The following MTA3 variants were observed in gnomAD, a reference collection of about 807,000 sequenced individuals.
MTA3 encodes the protein metastasis-associated protein MTA3.
A neutral mutation model predicts 83.5 loss-of-function variants in MTA3; 34 were observed. That is an observed-to-expected ratio of 0.41 (90% confidence interval 0.31 to 0.54). MTA3 has a LOEUF of 0.54. MTA3 is among the 20% of genes least tolerant of loss of function. The pLI is 0.33. For synonymous variants in MTA3, 303 were observed against 252.7 expected, an observed-to-expected ratio of 1.20 and a Z score of -1.89; for missense variants, 761 against 726.4, an observed-to-expected ratio of 1.05 and a Z score of -0.55.
chr2:42,651,932 A>G (rs1342302138), intron 6 of MTA3, among the ~76,000 whole-genome samples: 1 of 151,976 alleles, frequency 6.6e-6, no homozygotes, highest in African/African-American at 2.4e-5. Flanking sequence ...CGTCTCAACT[A>G]AAAATACAAA....
chr2:42,517,449 T>C (rs1394097057), intron 2 of MTA3, among the ~76,000 whole-genome samples: 1 of 151,022 alleles, frequency 6.6e-6, no homozygotes, highest in Non-Finnish European at 1.5e-5. Context: ...GGCACATGCC[T>C]GTAATCCCAG....
chr2:42,751,769 T>C (rs1669888447), intron 16 of MTA3, among the ~76,000 whole-genome samples: 1 of 152,144 alleles, frequency 6.6e-6, no homozygotes, highest in African/African-American at 2.4e-5. Context: ...GCTCTTTTGA[T>C]AGGTGGTTTA....
At position 42,682,568 on chromosome 2, in the gene MTA3, C is replaced by G; in HGVS notation, c.870C>G (p.Phe290Leu). Residue 290 changes from phenylalanine to leucine, a missense_variant, in exon 9 of 17, where the codon TTC becomes TTG. By Grantham distance (22) the Phe-to-Leu change is conservative. Transcript: ENST00000405094. ...EEALEKYGKD[F>L]NDIRQDFLPW... is the part of the protein sequence containing the mutation. Reference sequence around the variant, plus strand: ...CACTGGAAAAATATGGCAAAGACTTCAATGACATACGGCAAGATTTTGTAA... The same window carrying G: ...CACTGGAAAAATATGGCAAAGACTTGAATGACATACGGCAAGATTTTGTAA... The G allele has an allele frequency of 1.2e-6, 2 of 1,611,370 alleles. No homozygotes were observed. Among genetic ancestry groups the G allele is most frequent in the Non-Finnish European group, 1.7e-6 (2 of 1,178,818 alleles).
chr2:42,733,950 CAT>C (rs1452356678), intron 16 of MTA3, among the ~76,000 whole-genome samples: 3 of 152,284 alleles, frequency 2.0e-5, no homozygotes, highest in Admixed American at 1.3e-4. Context: ...TGTGGCCTAA[CAT>C]ATGGTCTGTC....
chr2:42,542,575 G>A (rs758961247), intron 2 of MTA3, among the ~76,000 whole-genome samples: 6 of 151,812 alleles, frequency 4.0e-5, no homozygotes, highest in Non-Finnish European at 4.4e-5. Flanking sequence ...ATTTTGAGAC[G>A]GAGTCTCACT....
intron 3 of MTA3, among the ~76,000 whole-genome samples, chr2:42,608,240 A>G (rs959903593): frequency 1.3e-5 from 2 of 152,226 alleles, no homozygotes; most frequent in African/African-American, 4.8e-5. Flanking sequence ...AATCCTAATT[A>G]GGTAAAGAGT....
At chr2:42,635,991 A>G (rs1486407622) in intron 4 of MTA3, among the ~76,000 whole-genome samples, 1 of 152,086 alleles carries the variant, frequency 6.6e-6, no homozygotes, top group Non-Finnish European at 1.5e-5. Flanking sequence ...GTCTTGAACT[A>G]TACCTGAGCT....
At position 42,656,230 on chromosome 2, in the gene MTA3, T is replaced by C. The variant is rs1366731418; in HGVS notation, c.530T>C (p.Leu177Ser). 6.2e-7 allele frequency: 1 copy of C among 1,613,804 alleles called. No homozygotes were observed. ...GESDEREQSKLEVKVWDPNSP... is the reference protein window; with the variant it reads ...GESDEREQSKSEVKVWDPNSP... ...TCAGATGAGAGGGAACAATCAAAAT[T>C]GGAAGTTAAAGTTTGGGATCCAAAT... The change falls in exon 7 of 17, where the codon TTG (leucine) becomes TCG (serine). Residue 177 changes from leucine to serine, a missense_variant. By Grantham distance (145) the Leu-to-Ser change is moderately radical (BLOSUM62 -2). Transcript: ENST00000405094.
chr2:42,527,430 C>T (rs2103711025), intron 2 of MTA3, among the ~76,000 whole-genome samples: 1 of 152,282 alleles, frequency 6.6e-6, no homozygotes, highest in East Asian at 1.9e-4. Context: ...CTGAGGTTTG[C>T]AAACTGTCCA....
At chr2:42,621,175 G>C (rs1229797355) in intron 4 of MTA3, among the ~76,000 whole-genome samples, 2 of 136,352 alleles carry the variant, frequency 1.5e-5, no homozygotes, top group Non-Finnish European at 3.1e-5. Context: ...GGTGTTTCTC[G>C]CAGAGGGGGA....
intron 2 of MTA3, among the ~76,000 whole-genome samples, chr2:42,508,472 C>T (rs1308897516): frequency 1.3e-5 from 2 of 152,052 alleles, no homozygotes; most frequent in Non-Finnish European, 2.9e-5. Context: ...TCTGGGACTA[C>T]AGGCGTGTGA....
chr2:42,644,260 T>C lies in MTA3; in HGVS notation c.499+16T>C. Reference sequence around the variant, plus strand: ...CTGTTAGAAGGTACGTTTTTCTGCGTGTTTGCAGTTTTGTGAAACAAATAT... The same window carrying C: ...CTGTTAGAAGGTACGTTTTTCTGCGCGTTTGCAGTTTTGTGAAACAAATAT... On this transcript the variant is annotated intron_variant, in intron 6 of 16. Coordinates refer to ENST00000405094, the MANE Select transcript of MTA3 (RefSeq NM_001330442.2). 1 of 1,554,446 alleles carries C rather than the reference T, an allele frequency of 6.4e-7. No homozygotes were observed. The highest frequency in any genetic ancestry group is 8.8e-7 in the Non-Finnish European group (1 of 1,131,856).
intron 2 of MTA3, among the ~76,000 whole-genome samples, chr2:42,504,409 T>C (rs1386509310): frequency 6.6e-6 from 1 of 151,960 alleles, no homozygotes; most frequent in Non-Finnish European, 1.5e-5. Flanking sequence ...CTGGCTAATA[T>C]TTTGTATTTT....
intron 4 of MTA3, among the ~76,000 whole-genome samples, chr2:42,614,848 G>A (rs1181207757): frequency 2.0e-5 from 3 of 151,866 alleles, no homozygotes; most frequent in Admixed American, 1.3e-4. Flanking sequence ...GGCAGCGTAT[G>A]CCTGTATTCC....
intron 11 of MTA3, among the ~76,000 whole-genome samples, chr2:42,700,038 G>T (rs530350280): frequency 1.3e-4 from 20 of 152,134 alleles, no homozygotes; most frequent in African/African-American, 4.6e-4. Flanking sequence ...TTCAGGGAGG[G>T]GGAGAGAGAT....
At chr2:42,752,862 A>G (rs2104610956) in intron 16 of MTA3, among the ~76,000 whole-genome samples, 1 of 152,186 alleles carries the variant, frequency 6.6e-6, no homozygotes, top group South Asian at 2.1e-4. Context: ...CTTCAGTATC[A>G]ATTATATATT....
chr2:42,704,531 T>C (rs150048124), intron 12 of MTA3, among the ~76,000 whole-genome samples: 2 of 152,352 alleles, frequency 1.3e-5, no homozygotes, highest in East Asian at 1.9e-4. Context: ...AAGTTAGGCA[T>C]TGGATTTCCC....
chr2:42,692,902 G>A (rs571748465), intron 9 of MTA3, among the ~76,000 whole-genome samples: 49 of 152,270 alleles, frequency 3.2e-4, no homozygotes, highest in African/African-American at 9.4e-4. Context: ...TCACAGTCTG[G>A]GCTTGTTTGT....
intron 2 of MTA3, among the ~76,000 whole-genome samples, chr2:42,544,448 T>C (rs1205419233): frequency 2.7e-5 from 4 of 146,844 alleles, no homozygotes; most frequent in Non-Finnish European, 6.0e-5. Flanking sequence ...CAAGACTCCA[T>C]CTCAAAAAAA....
Sources: allele counts gnomAD v4.1 joint callset (sites outside exome capture counted in the v4.1 genomes callset), GRCh38; gene constraint gnomAD v4.1.1; transcripts MANE v1.5; gene names NCBI Gene and HGNC (gene_info 2026-07-23, HGNC 2026-07-21).